The following RFC3 variants were observed in gnomAD, a reference collection of about 807,000 sequenced individuals.
RFC3 encodes A1 38 kDa subunit.
Under a neutral mutation model 45.1 loss-of-function variants are expected in RFC3, and 41 were observed. The ratio of observed to expected loss-of-function variants is 0.91; its 90% CI spans 0.71 to 1.18. The LOEUF (loss-of-function observed/expected upper bound fraction) is 1.18, where lower values mean the gene tolerates loss of function less well. RFC3 is among the 50% of genes most tolerant of loss of function. RFC3 has a pLI of 0.00. For missense variants in RFC3, 423 were observed against 428.1 expected (o/e 0.99, Z 0.10); for synonymous variants, 149 against 144.0 (o/e 1.03, Z -0.25).
At chr13:33,953,405 A>G (rs958612968) in intron 8 of RFC3, among the ~76,000 whole-genome samples, 12 of 151,906 alleles carry the variant, frequency 7.9e-5, no homozygotes, top group African/African-American at 2.7e-4. Flanking sequence ...TAGTGACTCA[A>G]TGGCAATGTT....
chr13:33,844,801 T>G (rs184684300), intron 8 of RFC3, among the ~76,000 whole-genome samples: 1 of 152,352 alleles, frequency 6.6e-6, no homozygotes, highest in Admixed American at 6.5e-5. Flanking sequence ...ATTCAAGATA[T>G]GGATAGTTTA....
Position 33,833,886 on chromosome 13 carries a change from T to C in RFC3, c.810-1262T>C, listed in dbSNP as rs565234239. Among the ~76,000 whole-genome samples, 8 of 152,160 alleles carry C rather than the reference T, an allele frequency of 5.3e-5. No homozygotes were observed. In the South Asian group the frequency reaches 1.7e-3, roughly 32 times the overall value. On this transcript the variant is annotated intron_variant, in intron 7 of 8. Coordinates refer to ENST00000380071, the MANE Select transcript of RFC3 (RefSeq NM_002915.4). ...GGTTTGTTTCAGTAAAAGAGCATCA[T>C]TGTTGTGGGGAATTAATAGTGTATT...
In RFC3 at chr13:33,821,164, G is replaced by A; in HGVS notation, c.120G>A (p.Val40=). Residue 40 remains valine (V), a synonymous_variant, in exon 2 of 9, where the codon GTG becomes GTA. Coordinates refer to ENST00000380071, the MANE Select transcript of RFC3 (RefSeq NM_002915.4). ...GTGGTGACTTTCCTCATCTGTTAGTGTACGGACCATCAGGTGCTGGAAAAA... is the reference window on the plus strand; with the variant it reads ...GTGGTGACTTTCCTCATCTGTTAGTATACGGACCATCAGGTGCTGGAAAAA... ...VQCGDFPHLL[V]YGPSGAGKKT... 1 of 1,613,652 alleles carries A rather than the reference G, an allele frequency of 6.2e-7. No individual in the cohort carries two copies. The highest frequency in any genetic ancestry group is 1.1e-5 in the South Asian group (1 of 91,060).
chr13:33,831,699 A>G (rs1409155492), intron 7 of RFC3, among the ~76,000 whole-genome samples: 1 of 152,190 alleles, frequency 6.6e-6, no homozygotes, highest in Admixed American at 6.5e-5. Context: ...GTAAAGGACA[A>G]TGTAAAACTT....
chr13:33,848,459 C>T (rs1037107536), intron 8 of RFC3: 2 of 152,210 alleles, frequency 1.3e-5, no homozygotes, highest in Non-Finnish European at 2.9e-5. Flanking sequence ...AACCATCAGC[C>T]ATTTCAATTT....
At position 33,899,204 on chromosome 13, in the gene RFC3, C is replaced by CA. The variant is rs59221382; in HGVS notation, c.879+64012dup. On this transcript the variant is annotated intron_variant, in intron 8 of 8. Coordinates refer to the RFC3 transcript ENST00000434425. ...AAAACCAGACGAAGACACAATAAGA[C>CA]AAAAAAAAAAAAAAAAAAAAAAAAA... Among the ~76,000 whole-genome samples, 428 of 51,952 alleles carry CA rather than the reference C, an allele frequency of 8.2e-3. 12 individuals carry two copies. The highest frequency in any genetic ancestry group is 0.031 in the Middle Eastern group (1 of 32). 34.1% of individuals were successfully genotyped at this position (51,952 alleles called of 152,430 possible). A position where few individuals can be genotyped will look rare whatever the true frequency, so the allele number is the denominator to read the frequency against.
intron 6 of RFC3, 38 bp downstream of exon 6, chr13:33,830,893 C>A (rs778986639): frequency 8.3e-6 from 13 of 1,573,962 alleles, no homozygotes; most frequent in Non-Finnish European, 1.1e-5. Flanking sequence ...GGACTTTGGC[C>A]CCCAAGCTTT....
At chr13:33,826,311 C>A (rs2139393149) in intron 4 of RFC3, among the ~76,000 whole-genome samples, 1 of 152,166 alleles carries the variant, frequency 6.6e-6, no homozygotes, top group South Asian at 2.1e-4. Flanking sequence ...AATATGCCAT[C>A]ATTTAATGCT....
At chr13:33,974,865 G>A in the RFC3 span, among the ~76,000 whole-genome samples, 12 of 151,974 alleles carry the variant, frequency 7.9e-5, no homozygotes, top group Non-Finnish European at 1.8e-4. Flanking sequence ...TAAAACAACA[G>A]CAGCAACAAC....
intron 8 of RFC3, among the ~76,000 whole-genome samples, chr13:33,936,118 G>GA (rs2082884810): frequency 6.6e-6 from 1 of 152,146 alleles, no homozygotes; most frequent in South Asian, 2.1e-4. Context: ...GGAAGAAGCA[G>GA]AAAGCCTTGG....
chr13:33,925,499 T>TATAC (rs1240957146), intron 8 of RFC3, among the ~76,000 whole-genome samples: 1 of 141,388 alleles, frequency 7.1e-6, no homozygotes, highest in East Asian at 2.1e-4. Flanking sequence ...TAGTGTACTA[T>TATAC]ATACATACAT....
intron 8 of RFC3, among the ~76,000 whole-genome samples, chr13:33,856,305 C>T (rs915441527): frequency 6.6e-6 from 1 of 152,034 alleles, no homozygotes; most frequent in Admixed American, 6.6e-5. Context: ...TGGACACAGA[C>T]AGGTAAACAG....
intron 8 of RFC3, among the ~76,000 whole-genome samples, chr13:33,858,508 C>T (rs1244889106): frequency 6.6e-6 from 1 of 152,170 alleles, no homozygotes; most frequent in East Asian, 1.9e-4. Context: ...AGCCCAGGAG[C>T]ATGAACTTGT....
At chr13:33,972,733 T>C in the RFC3 span, among the ~76,000 whole-genome samples, 5 of 152,334 alleles carry the variant, frequency 3.3e-5, no homozygotes, top group Admixed American at 6.5e-5. Context: ...TAAGCCTAAA[T>C]TGTGAACTTG....
chr13:33,855,252 A>G (rs1396141677), intron 8 of RFC3, among the ~76,000 whole-genome samples: 3 of 152,082 alleles, frequency 2.0e-5, no homozygotes, highest in Non-Finnish European at 4.4e-5. Context: ...TTCTAAGTTG[A>G]TCTGATTTTA....
At chr13:33,933,418 T>A (rs2082865037) in intron 8 of RFC3, among the ~76,000 whole-genome samples, 1 of 152,174 alleles carries the variant, frequency 6.6e-6, no homozygotes, top group Admixed American at 6.6e-5. Flanking sequence ...TAGTGATTGT[T>A]TTTTGTTATC....
chr13:33,862,916 A>G (rs2137541197), intron 8 of RFC3, among the ~76,000 whole-genome samples: 1 of 152,360 alleles, frequency 6.6e-6, no homozygotes, highest in South Asian at 2.1e-4. Flanking sequence ...GTTTCATCAT[A>G]GAATGGAATT....
chr13:33,835,562 G>A (rs1008637025), intron 8 of RFC3: 9 of 460,342 alleles, frequency 2.0e-5, no homozygotes, highest in Admixed American at 5.5e-5. Flanking sequence ...CCACCCATCC[G>A]TTTTCACAAA....
chr13:33,866,641 G>C (rs529392968), intron 8 of RFC3, among the ~76,000 whole-genome samples: 1 of 152,238 alleles, frequency 6.6e-6, no homozygotes, highest in East Asian at 1.9e-4. Flanking sequence ...GAAAAGGCCC[G>C]ATAGAAAGTC....
Sources: gnomAD v4.1 joint callset for allele counts (sites outside exome capture counted in the v4.1 genomes callset) on GRCh38, gnomAD v4.1.1 for gene constraint, MANE v1.5 for transcripts, NCBI Gene and HGNC (gene_info 2026-07-23, HGNC 2026-07-21) for gene names.